The following PTCHD4 variants were observed in gnomAD, a reference collection of about 807,000 sequenced individuals.
The protein encoded by PTCHD4 is patched domain-containing protein 4.
PTCHD4 carries 33 observed loss-of-function variants against 58.1 expected under a neutral mutation model. That is an observed-to-expected ratio of 0.57 (90% CI 0.43 to 0.76). The LOEUF (loss-of-function observed/expected upper bound fraction) is 0.76, where lower values mean the gene tolerates loss of function less well. Among genes scored for constraint, PTCHD4 ranks in the 30% least tolerant of loss-of-function variants. The pLI is 0.00. For synonymous variants in PTCHD4, 478 were observed against 409.6 expected, an observed-to-expected ratio of 1.17 and a Z score of -2.02; for missense variants, 1,058 against 1,027.1, an observed-to-expected ratio of 1.03 and a Z score of -0.41.
chr6:47,950,205 T>C (rs1401631969), intron 4 of PTCHD4, among the ~76,000 whole-genome samples: 2 of 152,122 alleles, frequency 1.3e-5, no homozygotes, highest in African/African-American at 4.8e-5. Context: ...ACAAAGGACA[T>C]AAACTTGGAT....
chr6:47,949,304 C>T (rs550741362), intron 4 of PTCHD4, among the ~76,000 whole-genome samples: 1 of 152,252 alleles, frequency 6.6e-6, no homozygotes, highest in African/African-American at 2.4e-5. Context: ...GCTTGCTGAA[C>T]ACCTGCAGGC....
intron 4 of PTCHD4, among the ~76,000 whole-genome samples, chr6:47,976,182 CCTGT>C (rs1428784589): frequency 6.6e-6 from 1 of 152,208 alleles, no homozygotes; most frequent in Non-Finnish European, 1.5e-5. Context: ...TCAATACTTC[CCTGT>C]CTGTCTTTCA....
intron 4 of PTCHD4, among the ~76,000 whole-genome samples, chr6:47,940,584 C>T (rs1351267127): frequency 2.6e-5 from 4 of 152,090 alleles, no homozygotes; most frequent in Admixed American, 1.3e-4. Flanking sequence ...AAATTAAAAC[C>T]ATAAATAGTT....
At chr6:47,996,520 G>T (rs1472930420) in intron 4 of PTCHD4, among the ~76,000 whole-genome samples, 4 of 152,116 alleles carry the variant, frequency 2.6e-5, no homozygotes, top group African/African-American at 9.7e-5. Flanking sequence ...CTGCACCCCA[G>T]AAGCCCCGGG....
rs1171130664 is a variant in PTCHD4 at position 47,870,029 on chromosome 6, C to A, written c.*8274G>T. On this transcript the variant is annotated 3_prime_UTR_variant, in exon 5 of 5. Transcript: ENST00000339488. ...TGATTTTAAAAGACCTCATATTTGA[C>A]CCTAAGAACTATAGAATATACACCT... Among the ~76,000 whole-genome samples the A allele has an allele frequency of 1.3e-5, 2 of 151,544 alleles. No homozygotes were observed. The highest frequency in any genetic ancestry group is 4.8e-5 in the African/African-American group (2 of 41,350).
intron 4 of PTCHD4, among the ~76,000 whole-genome samples, chr6:47,882,637 A>C (rs1185409258): frequency 6.6e-6 from 1 of 150,768 alleles, no homozygotes; most frequent in Non-Finnish European, 1.5e-5. Flanking sequence ...TGTCCCTTAA[A>C]ATACTTTCCT....
At chr6:48,002,075 C>A (rs1768745247) in intron 4 of PTCHD4, among the ~76,000 whole-genome samples, 1 of 152,148 alleles carries the variant, frequency 6.6e-6, no homozygotes, top group South Asian at 2.1e-4. Flanking sequence ...CATCACACAC[C>A]AGTTAGAATG....
Position 47,871,247 on chromosome 6 carries a change from TA to T in PTCHD4, c.*7055del, listed in dbSNP as rs1414234769. Among the ~76,000 whole-genome samples, 45 of 151,702 alleles carry T rather than the reference TA, an allele frequency of 3.0e-4. No individual in the cohort carries two copies. Among genetic ancestry groups the T allele is most frequent in the African/African-American group, 1.1e-3 (45 of 41,484 alleles). On this transcript the variant is annotated 3_prime_UTR_variant, in exon 5 of 5. Transcript: ENST00000339488. ...TTAAAAACCCCGATTTAGCAGAAAA[TA>T]ATAGCAATGCCTTCCAGAGGAAAAG... is the stretch of plus-strand genomic sequence containing the variant.
intron 4 of PTCHD4, among the ~76,000 whole-genome samples, chr6:47,952,087 A>G (rs1766675898): frequency 6.6e-6 from 1 of 152,184 alleles, no homozygotes; most frequent in Non-Finnish European, 1.5e-5. Context: ...ATGGATTAGA[A>G]GAAAAATTAG....
chr6:47,999,616 A>T (rs560889469), intron 4 of PTCHD4, among the ~76,000 whole-genome samples: 3 of 152,258 alleles, frequency 2.0e-5, no homozygotes, highest in Admixed American at 6.5e-5. Context: ...ACGCTTTGGG[A>T]AATAGACGTG....
At chr6:47,944,892 A>G (rs956053739) in intron 4 of PTCHD4, among the ~76,000 whole-genome samples, 1 of 152,144 alleles carries the variant, frequency 6.6e-6, no homozygotes, top group African/African-American at 2.4e-5. Flanking sequence ...AAATTATAAT[A>G]AAGTATGATA....
At chr6:48,092,734 G>A (rs566703567) in intron 1 of PTCHD4, among the ~76,000 whole-genome samples, 2 of 152,190 alleles carry the variant, frequency 1.3e-5, no homozygotes, top group East Asian at 3.9e-4. Flanking sequence ...AACGTCATGG[G>A]GAATACACTG....
chr6:47,893,548 T>C (rs1180942302), intron 4 of PTCHD4, among the ~76,000 whole-genome samples: 1 of 152,162 alleles, frequency 6.6e-6, no homozygotes, highest in Non-Finnish European at 1.5e-5. Flanking sequence ...GGGTTTACAT[T>C]TCTTCACTAC....
At chr6:47,892,044 T>G (rs1053635181) in intron 4 of PTCHD4, among the ~76,000 whole-genome samples, 2 of 152,152 alleles carry the variant, frequency 1.3e-5, no homozygotes, top group South Asian at 4.1e-4. Flanking sequence ...GTGTTATCAC[T>G]GAAAAGAGAA....
At chr6:47,923,744 A>G (rs1765505984) in intron 4 of PTCHD4, among the ~76,000 whole-genome samples, 1 of 152,208 alleles carries the variant, frequency 6.6e-6, no homozygotes, top group Non-Finnish European at 1.5e-5. Flanking sequence ...TCTCATCTGA[A>G]CTTTTATTTG....
intron 3 of PTCHD4, among the ~76,000 whole-genome samples, chr6:48,059,269 T>G (rs1481040705): frequency 6.6e-6 from 1 of 152,208 alleles, no homozygotes; most frequent in Non-Finnish European, 1.5e-5. Flanking sequence ...TGAGAAGTAC[T>G]GCCTAAGGTA....
At chr6:47,969,569 G>A (rs1767423356) in intron 4 of PTCHD4, among the ~76,000 whole-genome samples, 1 of 151,792 alleles carries the variant, frequency 6.6e-6, no homozygotes. Context: ...TATTAAAGTG[G>A]TATATTACAT....
intron 4 of PTCHD4, among the ~76,000 whole-genome samples, chr6:47,906,266 A>T (rs1260099212): frequency 6.6e-6 from 1 of 152,186 alleles, no homozygotes; most frequent in Admixed American, 6.5e-5. Flanking sequence ...GTGAAGTTTC[A>T]GTTAGGCCAG....
intron 4 of PTCHD4, among the ~76,000 whole-genome samples, chr6:47,909,319 A>G (rs1764993371): frequency 6.6e-6 from 1 of 152,184 alleles, no homozygotes; most frequent in Non-Finnish European, 1.5e-5. Flanking sequence ...GATATGATGT[A>G]GATTAGTATG....
Sources: gnomAD v4.1 joint callset for allele counts (sites outside exome capture counted in the v4.1 genomes callset) on GRCh38, gnomAD v4.1.1 for gene constraint, MANE v1.5 for transcripts, NCBI Gene and HGNC (gene_info 2026-07-23, HGNC 2026-07-21) for gene names.